The following PRKAA2 variants were observed in gnomAD, a reference collection of about 807,000 sequenced individuals.
PRKAA2 encodes the protein protein kinase AMP-activated catalytic subunit alpha 2, also known as 5'-AMP-activated protein kinase catalytic subunit alpha-2.
In PRKAA2, 40 loss-of-function variants were observed where a neutral mutation model predicts 56.3. That is an observed-to-expected ratio of 0.71 (90% CI 0.55 to 0.92). The LOEUF (loss-of-function observed/expected upper bound fraction) is 0.92. Among genes scored for constraint, PRKAA2 ranks in the 40% least tolerant of loss-of-function variants. The pLI, the probability that PRKAA2 is intolerant of heterozygous loss-of-function variation, is 0.00. For synonymous variants in PRKAA2, 214 were observed against 234.2 expected, an observed-to-expected ratio of 0.91 and a Z score of 0.79; for missense variants, 542 against 686.9, an observed-to-expected ratio of 0.79 and a Z score of 2.36.
At chr1:56,679,044 A>G (rs1339511637) in intron 2 of PRKAA2, among the ~76,000 whole-genome samples, 9 of 152,066 alleles carry the variant, frequency 5.9e-5, no homozygotes, top group Admixed American at 5.9e-4. Flanking sequence ...TTTTAACATC[A>G]TTAACCGCCA....
At chr1:56,677,540 G>A (rs1644121785) in intron 2 of PRKAA2, among the ~76,000 whole-genome samples, 1 of 152,072 alleles carries the variant, frequency 6.6e-6, no homozygotes, top group East Asian at 1.9e-4. Context: ...AATTTTACCC[G>A]TTTGGGTATG....
At chr1:56,668,045 G>A (rs1644047915) in intron 1 of PRKAA2, among the ~76,000 whole-genome samples, 1 of 152,116 alleles carries the variant, frequency 6.6e-6, no homozygotes, top group Non-Finnish European at 1.5e-5. Flanking sequence ...TACGATGATA[G>A]ACTTGATTTT....
Position 56,707,730 on chromosome 1 carries a change from TTC to T in PRKAA2, c.*19_*20del. On this transcript the variant is annotated 3_prime_UTR_variant, in exon 9 of 9. Transcript: ENST00000371244. Reference sequence around the variant, plus strand: ...GCCCGTTGATCTGTCTCTAGTTTCTTTCTGTTATTGCACTATGAAAATCAGTT... The same window carrying T: ...GCCCGTTGATCTGTCTCTAGTTTCTTTGTTATTGCACTATGAAAATCAGTT... 1 of 1,550,154 alleles carries T rather than the reference TTC, an allele frequency of 6.5e-7. No homozygotes were observed. Among genetic ancestry groups the T allele is most frequent in the Non-Finnish European group, 8.9e-7 (1 of 1,122,458 alleles).
At chr1:56,681,926 A>C (rs2796506) in intron 2 of PRKAA2, among the ~76,000 whole-genome samples, 67,422 of 151,848 alleles carry the variant, frequency 0.44, 15,526 homozygotes, top group East Asian at 0.59. Flanking sequence ...GATGGCATTG[A>C]ATCTATAATT....
At chr1:56,664,605 C>A (rs941753936) in intron 1 of PRKAA2, among the ~76,000 whole-genome samples, 2 of 151,888 alleles carry the variant, frequency 1.3e-5, no homozygotes, top group Non-Finnish European at 2.9e-5. Context: ...TAGGACTGTT[C>A]AGGACTCTTA....
intron 1 of PRKAA2, among the ~76,000 whole-genome samples, chr1:56,647,741 G>C (rs2100373573): frequency 6.6e-6 from 1 of 151,202 alleles, no homozygotes; most frequent in East Asian, 1.9e-4. Context: ...TTAGAAAACA[G>C]CTTTATGGTT....
intron 1 of PRKAA2, among the ~76,000 whole-genome samples, chr1:56,664,477 C>G (rs924743849): frequency 2.0e-5 from 3 of 150,740 alleles, no homozygotes; most frequent in African/African-American, 7.3e-5. Context: ...GATGTTGTTT[C>G]TGGTCTAATA....
intron 6 of PRKAA2, among the ~76,000 whole-genome samples, chr1:56,699,100 A>G (rs994134270): frequency 1.3e-5 from 2 of 152,204 alleles, no homozygotes; most frequent in African/African-American, 4.8e-5. Flanking sequence ...TGAAATTGCC[A>G]TTTAAGTAGG....
intron 6 of PRKAA2, among the ~76,000 whole-genome samples, chr1:56,696,674 T>C (rs1644260972): frequency 6.6e-6 from 1 of 152,172 alleles, no homozygotes; most frequent in Admixed American, 6.5e-5. Flanking sequence ...TAGGGTGAGA[T>C]TTTGTATTTT....
At chr1:56,699,297 C>A (rs1644278668) in intron 6 of PRKAA2, among the ~76,000 whole-genome samples, 1 of 152,138 alleles carries the variant, frequency 6.6e-6, no homozygotes, top group African/African-American at 2.4e-5. Context: ...TCTTTATAAT[C>A]TAACCTTAAG....
intron 2 of PRKAA2, among the ~76,000 whole-genome samples, chr1:56,690,226 C>T (rs969432504): frequency 8.0e-5 from 12 of 150,782 alleles, no homozygotes; most frequent in Non-Finnish European, 1.3e-4. Context: ...TGCAGTGGCA[C>T]GATCTTGGCT....
At chr1:56,663,202 C>T (rs574500602) in intron 1 of PRKAA2, among the ~76,000 whole-genome samples, 37 of 152,330 alleles carry the variant, frequency 2.4e-4, no homozygotes, top group African/African-American at 8.7e-4. Context: ...CCTCTTGTTT[C>T]AGCCCCCTGA....
chr1:56,670,506 A>T (rs567892934), intron 1 of PRKAA2, among the ~76,000 whole-genome samples: 11 of 152,254 alleles, frequency 7.2e-5, no homozygotes, highest in African/African-American at 2.4e-4. Context: ...TTTATATCTC[A>T]TTGGCTGGAA....
intron 2 of PRKAA2, among the ~76,000 whole-genome samples, chr1:56,678,693 A>AT (rs144835366): frequency 3.2e-5 from 4 of 123,482 alleles, no homozygotes; most frequent in Non-Finnish European, 5.2e-5. Context: ...ATCTTGTCTA[A>AT]TTTTTTTTTT....
At chr1:56,646,672 T>C (rs1007733366) in intron 1 of PRKAA2, among the ~76,000 whole-genome samples, 1 of 152,222 alleles carries the variant, frequency 6.6e-6, no homozygotes, top group African/African-American at 2.4e-5. Flanking sequence ...GAAGAAATGC[T>C]GGGTAGGCAG....
In PRKAA2 at chr1:56,693,205, T is replaced by C. The variant is rs569314682; in HGVS notation, c.476-560T>C. ...AAAAACCTAGAAACTACTTTCTCTA[T>C]TTCTCTTCCTTCTCTAAATCATGAA... On this transcript the variant is annotated intron_variant, in intron 4 of 8. Coordinates refer to ENST00000371244, the MANE Select transcript of PRKAA2 (RefSeq NM_006252.4). 2.4e-3 allele frequency among the ~76,000 whole-genome samples: 369 copies of C among 152,268 alleles called. 2 individuals carry two copies. The highest frequency in any genetic ancestry group is 8.7e-3 in the African/African-American group (363 of 41,542).
At chr1:56,699,007 C>T (rs1329043705) in intron 6 of PRKAA2, among the ~76,000 whole-genome samples, 1 of 152,122 alleles carries the variant, frequency 6.6e-6, no homozygotes, top group African/African-American at 2.4e-5. Flanking sequence ...AATCCCAGTG[C>T]ATCTGTTTAT....
chr1:56,652,508 T>C (rs991029987), intron 1 of PRKAA2, among the ~76,000 whole-genome samples: 1 of 152,180 alleles, frequency 6.6e-6, no homozygotes, highest in African/African-American at 2.4e-5. Context: ...TACAAATGAT[T>C]TGATGTTCTA....
chr1:56,652,469 C>T (rs1483103095), intron 1 of PRKAA2, among the ~76,000 whole-genome samples: 2 of 152,144 alleles, frequency 1.3e-5, no homozygotes, highest in Non-Finnish European at 1.5e-5. Context: ...TTGCCAGTAA[C>T]CTTTAGTAAC....
Sources: gnomAD v4.1 joint callset for allele counts (sites outside exome capture counted in the v4.1 genomes callset) on GRCh38, gnomAD v4.1.1 for gene constraint, MANE v1.5 for transcripts, NCBI Gene and HGNC (gene_info 2026-07-23, HGNC 2026-07-21) for gene names.